Variants in TSC2 observed in about 807,000 individuals in gnomAD.
TSC2 encodes the protein tuberin.
Under a neutral mutation model 202.2 loss-of-function variants are expected in TSC2, and 29 were observed. That is an observed-to-expected ratio of 0.14 (90% CI 0.11 to 0.20). The LOEUF (loss-of-function observed/expected upper bound fraction) is 0.20, where lower values mean the gene tolerates loss of function less well. Ranked by LOEUF, TSC2 falls within the 10% of genes least tolerant of loss-of-function variation. The probability of loss-of-function intolerance (pLI) is 1.00; values close to 1 mark genes in which losing one functional copy is unlikely to be tolerated. For missense variants in TSC2, 2,429 were observed against 2,420.0 expected (o/e 1.00, Z -0.08); for synonymous variants, 1,349 against 1,044.0 (o/e 1.29, Z -5.63).
rs1181122214 is a variant in TSC2, at chr16:2,061,785, A to G, written c.1120-86A>G. ...GCCTGAGAGGGCTGAGGGTGTCTCC[A>G]TGCGGTGGGTGTGTAGCGAGGCCTC... On this transcript the variant is annotated intron_variant, in intron 11 of 41. Transcript: ENST00000219476. 1.9e-6 allele frequency: 3 copies of G among 1,608,270 alleles called. No individual in the cohort carries two copies. The East Asian group carries it at 6.7e-5, about 36-fold the overall frequency.
In TSC2 at chr16:2,056,270, G is replaced by A. The variant is rs371356151; in HGVS notation, c.648+26G>A. ...GTCAGTGCCTCCCCTCCCCAGGGCC[G>A]GCCCATTTCACCCTGGTTTCTGGGA... On this transcript the variant is annotated intron_variant, in intron 7 of 41. Transcript: ENST00000219476. The A allele has an allele frequency of 5.7e-5, 92 of 1,613,698 alleles. No individual in the cohort carries two copies. In the African/African-American group the frequency reaches 7.1e-4, roughly 12 times the overall value.
chr16:2,055,712 G>A, intron 6 of TSC2, 193 bp downstream of exon 6: 1 of 580,956 alleles, frequency 1.7e-6, no homozygotes, highest in South Asian at 1.7e-5. Context: ...CCAACATGGT[G>A]AAACCCTGTC....
At chr16:2,048,160 C>T (rs1199846026) in intron 1 of TSC2, 95 bp downstream of exon 1, 9 of 1,536,818 alleles carry the variant, frequency 5.9e-6, no homozygotes, top group Admixed American at 2.0e-5. Context: ...GGCCCTCACC[C>T]GCGCCCACTG....
intron 3 of TSC2, among the ~76,000 whole-genome samples, 171 bp from the exon 4 acceptor site, chr16:2,053,171 T>G (rs1238762994): frequency 1.3e-5 from 2 of 152,148 alleles, no homozygotes; most frequent in African/African-American, 4.8e-5. Flanking sequence ...ACGAAGCCTG[T>G]GGTCATCTCA....
intron 14 of TSC2, chr16:2,063,273 G>A (rs992375874): frequency 1.9e-5 from 12 of 635,546 alleles, no homozygotes; most frequent in Non-Finnish European, 2.8e-5. Flanking sequence ...CAAGTAGCAA[G>A]GAAGGCACAG....
At chr16:2,080,515 G>C (rs1193319702) in intron 30 of TSC2, 138 bp downstream of exon 30, 2 of 1,010,490 alleles carry the variant, frequency 2.0e-6, no homozygotes, top group East Asian at 5.3e-5. Flanking sequence ...ACAGAGTCTT[G>C]CTCTGTGGCC....
chr16:2,069,080 G>A (rs1426878725), intron 16 of TSC2, among the ~76,000 whole-genome samples: 10 of 152,052 alleles, frequency 6.6e-5, no homozygotes, highest in Admixed American at 4.6e-4. Flanking sequence ...GGCCAGCCTC[G>A]TGCTGTTCGA....
intron 37 of TSC2, 67 bp from the exon 38 acceptor site, chr16:2,086,665 C>T: frequency 6.3e-7 from 1 of 1,597,412 alleles, no homozygotes; most frequent in East Asian, 2.2e-5. Context: ...CAGGAGGTGC[C>T]CCAGTGCAAG....
chr16:2,057,108 A>C lies in TSC2; in HGVS notation c.778A>C (p.Met260Leu). 1 of 1,551,376 alleles carries C rather than the reference A, an allele frequency of 6.4e-7. No individual in the cohort carries two copies. Among genetic ancestry groups the C allele is most frequent in the Admixed American group, 2.0e-5 (1 of 51,012 alleles). ...KELCEPCWKL[M>L]RNLLGTHLGH... is the part of the protein sequence containing the mutation. ...TGACACGCATTGTGTCTCGCAGCTG[A>C]TGCGGAACCTCCTTGGCACCCACCT... Residue 260 changes from methionine (M) to leucine (L), a missense_variant, in exon 9 of 42, where the codon ATG becomes CTG. By Grantham distance (15) the Met-to-Leu change is conservative (BLOSUM62 2). Coordinates refer to ENST00000219476, the MANE Select transcript of TSC2 (RefSeq NM_000548.5).
At position 2,088,881 on chromosome 16, in the gene TSC2, G is replaced by GCGCGCGCACACACACACACACACACA. The variant is rs142285430; in HGVS notation, c.*272_*273insGCGCGCACACACACACACACACACAC. 3.3e-5 allele frequency: 14 copies of GCGCGCGCACACACACACACACACACA among 421,478 alleles called. No individual in the cohort carries two copies. The highest frequency in any genetic ancestry group is 2.9e-4 in the African/African-American group (13 of 44,680). 26.1% of individuals were successfully genotyped at this position (421,478 alleles called of 1,614,324 possible). A position where few individuals can be genotyped will look rare whatever the true frequency, so the allele number is the denominator to read the frequency against. ...ACAGCACACTCGCGCGTGCGCGCGC[G>GCGCGCGCACACACACACACACACACA]CACACACACACACACACAGTCACCT... On this transcript the variant is annotated 3_prime_UTR_variant, in exon 42 of 42. Transcript: ENST00000219476.
rs2151088441 is a variant in TSC2 at position 2,057,195 on chromosome 16, G to T, written c.848+17G>T. The T allele has an allele frequency of 6.4e-7, 1 of 1,551,566 alleles. No individual in the cohort carries two copies. The highest frequency in any genetic ancestry group is 1.4e-5 in the African/African-American group (1 of 73,166). On this transcript the variant is annotated intron_variant, in intron 9 of 41. Transcript: ENST00000219476. Reference sequence around the variant, plus strand: ...GGAGGACAGGTGAGTGTGGTGGGTGGGGCGCAGGGCAGTGGAGGCCAGCAC... The same window carrying T: ...GGAGGACAGGTGAGTGTGGTGGGTGTGGCGCAGGGCAGTGGAGGCCAGCAC...
intron 14 of TSC2, chr16:2,063,448 T>C: frequency 2.9e-6 from 1 of 342,992 alleles, no homozygotes; most frequent in South Asian, 2.7e-5. Context: ...GCCTGGTCTC[T>C]CCTCTGCGGG....
intron 11 of TSC2, 163 bp from the exon 12 acceptor site, chr16:2,061,708 C>T (rs2086657414): frequency 8.3e-7 from 1 of 1,204,210 alleles, no homozygotes; most frequent in Non-Finnish European, 1.2e-6. Flanking sequence ...CCCATGAGGC[C>T]CGGAGCGGCC....
In TSC2 at chr16:2,079,521, ACTAAGTCCACC is replaced by A. The variant is rs1014798240; in HGVS notation, c.3285-33_3285-23del. 2.5e-6 allele frequency: 4 copies of A among 1,605,410 alleles called. No homozygotes were observed. The African/African-American group carries it at 5.3e-5, about 21-fold the overall frequency. On this transcript the variant is annotated intron_variant, in intron 28 of 41. Coordinates refer to ENST00000219476, the MANE Select transcript of TSC2 (RefSeq NM_000548.5). This position sits in a 1 kb window ranked among gnomAD's most constrained non-coding sequence, Gnocchi z 4.6. ...GTGGCACCCTCGTACCAGCCTGGGG[ACTAAGTCCACC>A]CTGTGCGTGGGATTCTCTTCTCAGC...
chr16:2,088,173 G>T (rs776608197), intron 40 of TSC2, 34 bp downstream of exon 40: 1 of 1,612,972 alleles, frequency 6.2e-7, no homozygotes, highest in South Asian at 1.1e-5. Flanking sequence ...TGAGCTGGTG[G>T]GACAGGCCCA....
In TSC2 at chr16:2,088,698, G is replaced by A. The variant is rs941867219; in HGVS notation, c.*88G>A. On this transcript the variant is annotated 3_prime_UTR_variant, in exon 42 of 42. Transcript: ENST00000219476. ...GTCCTGACCCCAGTGCACAGACATA[G>A]AGGCACAGATTGCAGTCAGACAGCT... 16 of 1,491,370 alleles carry A rather than the reference G, an allele frequency of 1.1e-5. No individual in the cohort carries two copies. In the African/African-American group the frequency reaches 1.7e-4, roughly 16 times the overall value. 92.4% of individuals were successfully genotyped at this position (1,491,370 alleles called of 1,614,324 possible). A position where few individuals can be genotyped will look rare whatever the true frequency, so the allele number is the denominator to read the frequency against.
rs768292319 is a variant in TSC2, at chr16:2,080,266, G to A, written c.3499G>A (p.Glu1167Lys). Residue 1167 changes from glutamate to lysine, a missense_variant, in exon 30 of 42, where the codon GAG (glutamate) becomes AAG (lysine). By Grantham distance (56) the Glu-to-Lys change is moderately conservative. Coordinates refer to ENST00000219476, the MANE Select transcript of TSC2 (RefSeq NM_000548.5). ...GPRTAPAAKP[E>K]KASAGTRVPV... Reference sequence around the variant, plus strand: ...ACGGACTGCACCAGCCGCGAAACCTGAGAAGGCCTCAGCTGGCACCCGGGT... The same window carrying A: ...ACGGACTGCACCAGCCGCGAAACCTAAGAAGGCCTCAGCTGGCACCCGGGT... 3 of 1,613,002 alleles carry A rather than the reference G, an allele frequency of 1.9e-6. No homozygotes were observed. Among genetic ancestry groups the A allele is most frequent in the South Asian group, 2.2e-5 (2 of 91,090 alleles).
rs938983644 is a variant in TSC2, at chr16:2,053,323, T to A, written c.226-19T>A. On this transcript the variant is annotated intron_variant, in intron 3 of 41. Transcript: ENST00000219476. ...CTTGGAGAGCACATCCTCACCGCTGTCCCCTCTGCTGGTGACAGCACGCAG... is the reference window on the plus strand; with the variant it reads ...CTTGGAGAGCACATCCTCACCGCTGACCCCTCTGCTGGTGACAGCACGCAG... 5 of 1,563,610 alleles carry A rather than the reference T, an allele frequency of 3.2e-6. No individual in the cohort carries two copies. Among genetic ancestry groups the A allele is most frequent in the Non-Finnish European group, 4.3e-6 (5 of 1,155,008 alleles).
chr16:2,085,430 G>A (rs1008798018), intron 36 of TSC2, 108 bp downstream of exon 36: 34 of 1,203,138 alleles, frequency 2.8e-5, no homozygotes, highest in Admixed American at 9.4e-5. Context: ...CAACACTGCC[G>A]GGTCCCCTAC....
Sources: allele counts gnomAD v4.1 joint callset (sites outside exome capture counted in the v4.1 genomes callset), GRCh38; gene constraint gnomAD v4.1.1; non-coding constraint Gnocchi (gnomAD v3.1); transcripts MANE v1.5; gene names NCBI Gene and HGNC (gene_info 2026-07-23, HGNC 2026-07-21).